Variants in DMBX1 observed in about 807,000 individuals in gnomAD.
The protein encoded by DMBX1 is diencephalon/mesencephalon homeobox 1.
A neutral mutation model predicts 30.4 loss-of-function variants in DMBX1; 7 were observed. The observed-to-expected ratio is 0.23, with a 90% confidence interval of 0.13 to 0.43. The LOEUF (loss-of-function observed/expected upper bound fraction) is 0.43. Among genes scored for constraint, DMBX1 ranks in the 20% least tolerant of loss-of-function variants. The pLI, the probability that DMBX1 is intolerant of heterozygous loss-of-function variation, is 1.00. For missense variants in DMBX1, 460 were observed against 508.5 expected (o/e 0.90, Z 0.92); for synonymous variants, 222 against 214.2 (o/e 1.04, Z -0.32).
chr1:46,510,910 CG>C lies in DMBX1; in HGVS notation c.334-23del, dbSNP rs1253768907. On this transcript the variant is annotated intron_variant, in intron 4 of 5. Transcript: ENST00000360032. The surrounding 1 kb of genome is among the most constrained non-coding windows in gnomAD (Gnocchi z 4.1). ...AACCCCACTTCTTTCTTGCCCACCTCGGACTGCTCCTTTCCCGTCCCCAGGT... is the reference window on the plus strand; with the variant it reads ...AACCCCACTTCTTTCTTGCCCACCTCGACTGCTCCTTTCCCGTCCCCAGGT... 10 of 1,565,454 alleles carry C rather than the reference CG, an allele frequency of 6.4e-6. No homozygotes were observed. The Admixed American group carries it at 1.6e-4, about 26-fold the overall frequency.
chr1:46,512,160 A>G lies in DMBX1; in HGVS notation c.800A>G (p.Gln267Arg), dbSNP rs755954815. The G allele has an allele frequency of 1.9e-6, 3 of 1,614,010 alleles. No homozygotes were observed. In the South Asian group the frequency reaches 3.3e-5, roughly 18 times the overall value. ...SLFRLQEQFR[Q>R]HMAATNNLVH... ...TTCCGTCTGCAGGAGCAATTCCGCC[A>G]GCACATGGCGGCCACCAACAACCTG... Residue 267 changes from glutamine (Q) to arginine (R), a missense_variant, in exon 6 of 6, where the codon CAG becomes CGG. Gln to Arg is a conservative substitution (Grantham distance 43, BLOSUM62 1). Transcript: ENST00000360032. The surrounding 1 kb of genome is among the most constrained non-coding windows in gnomAD (Gnocchi z 4.8).
rs74410820 is a variant in DMBX1, at chr1:46,512,961, C to A, written c.*467C>A. The stretch of plus-strand genomic sequence containing the variant: ...CTGCCACCCCTCCCTGCAGCCTCCG[C>A]GGCTCACTCCAGCCATCCCTTCTGT... On this transcript the variant is annotated 3_prime_UTR_variant, in exon 6 of 6. Coordinates refer to ENST00000360032, the MANE Select transcript of DMBX1 (RefSeq NM_172225.2). This position sits in a 1 kb window ranked among gnomAD's most constrained non-coding sequence, Gnocchi z 4.8. The A allele has an allele frequency of 4.7e-3, 749 of 159,660 alleles. 4 individuals are homozygous for A. Among genetic ancestry groups the A allele is most frequent in the African/African-American group, 0.017 (707 of 41,652 alleles). The allele number at this position is 159,660 out of a possible 1,614,324, so 9.9% of individuals were successfully genotyped here. A position where few individuals can be genotyped will look rare whatever the true frequency, so the allele number is the denominator to read the frequency against.
Position 46,493,411 on chromosome 1 carries a change from C to A in DMBX1, c.-13+2628C>A, listed in dbSNP as rs2148480567. 6.6e-6 allele frequency among the ~76,000 whole-genome samples: 1 copy of A among 152,354 alleles called. No individual in the cohort carries two copies. The highest frequency in any genetic ancestry group is 2.4e-5 in the African/African-American group (1 of 41,594). On this transcript the variant is annotated intron_variant, in intron 2 of 5. Coordinates refer to ENST00000360032, the MANE Select transcript of DMBX1 (RefSeq NM_172225.2). The surrounding 1 kb of genome is among the most constrained non-coding windows in gnomAD (Gnocchi z 4.1). ...GCCCTCCCGCCGTTCAGTGGCCTCT[C>A]TTTCTATTTAGTCACCTGTCCGTTC...
intron 2 of DMBX1, among the ~76,000 whole-genome samples, chr1:46,495,574 A>G (rs987723745): frequency 2.6e-5 from 4 of 152,208 alleles, no homozygotes; most frequent in African/African-American, 7.2e-5. Context: ...ATTTATTATA[A>G]AACTCTGGCA....
rs574863112 is a variant in DMBX1 at position 46,501,923 on chromosome 1, AGTATATAACAGATATTTTT to A, written c.-12-5075_-12-5057del. 4.0e-3 allele frequency among the ~76,000 whole-genome samples: 615 copies of A among 152,350 alleles called. 2 individuals carry two copies. Among genetic ancestry groups the A allele is most frequent in the Non-Finnish European group, 7.0e-3 (475 of 68,036 alleles). The stretch of plus-strand genomic sequence containing the variant: ...TTATGAATTCCTCTATGTCATATAC[AGTATATAACAGATATTTTT>A]CCAAATTTATTGTTTGCCTTTTAGC... On this transcript the variant is annotated intron_variant, in intron 2 of 5. Transcript: ENST00000360032.
chr1:46,490,177 T>C (rs1289560456), intron 1 of DMBX1, among the ~76,000 whole-genome samples: 3 of 151,644 alleles, frequency 2.0e-5, no homozygotes, highest in African/African-American at 7.3e-5. Flanking sequence ...AGTGAGCAAC[T>C]TAGGGAGACA....
At chr1:46,501,598 G>C (rs990769743) in intron 2 of DMBX1, among the ~76,000 whole-genome samples, 1 of 152,094 alleles carries the variant, frequency 6.6e-6, no homozygotes, top group Non-Finnish European at 1.5e-5. Flanking sequence ...ATAAGGCTGA[G>C]CTTTTTGTCA....
At position 46,493,101 on chromosome 1, in the gene DMBX1, C is replaced by T. The variant is rs1046249751; in HGVS notation, c.-13+2318C>T. The stretch of plus-strand genomic sequence containing the variant: ...ACCCCTGCCTTCCCATTTCGCCCCC[C>T]ACCCCACCCCTTTCTCACAGTCCCG... On this transcript the variant is annotated intron_variant, in intron 2 of 5. Coordinates refer to ENST00000360032, the MANE Select transcript of DMBX1 (RefSeq NM_172225.2). The surrounding 1 kb of genome is among the most constrained non-coding windows in gnomAD (Gnocchi z 4.1). Among the ~76,000 whole-genome samples, 2 of 152,146 alleles carry T rather than the reference C, an allele frequency of 1.3e-5. No homozygotes were observed. Among genetic ancestry groups the T allele is most frequent in the African/African-American group, 4.8e-5 (2 of 41,418 alleles).
chr1:46,501,272 C>CTTTCT (rs1557786162), intron 2 of DMBX1, among the ~76,000 whole-genome samples: 5 of 83,892 alleles, frequency 6.0e-5, no homozygotes, highest in Non-Finnish European at 9.1e-5. Context: ...CTTTCTTTCT[C>CTTTCT]TTCTTTCTTT....
chr1:46,511,137 C>T lies in DMBX1; in HGVS notation c.536C>T (p.Ser179Phe). Residue 179 changes from serine to phenylalanine, a missense_variant, in exon 5 of 6, where the codon TCT becomes TTT. This residue lies in a region of DMBX1 where 334 missense variants were observed against 345.1 expected (regional missense o/e 0.97). Transcript: ENST00000360032. Reference protein sequence around the residue: ...DPPAELHLSLSEQSASESAPE... With the variant: ...DPPAELHLSLFEQSASESAPE... ...CCTGCTGAGCTTCACCTGAGTCTGT[C>T]TGAGCAGTCAGCCAGTGAGTCAGCC... 6.2e-7 allele frequency: 1 copy of T among 1,614,004 alleles called. No homozygotes were observed. Among genetic ancestry groups the T allele is most frequent in the East Asian group, 2.2e-5 (1 of 44,882 alleles).
At position 46,497,818 on chromosome 1, in the gene DMBX1, T is replaced by C. The variant is rs192532475; in HGVS notation, c.-13+7035T>C. On this transcript the variant is annotated intron_variant, in intron 2 of 5. Coordinates refer to ENST00000360032, the MANE Select transcript of DMBX1 (RefSeq NM_172225.2). ...GCGCCTGTGGCGGGAGATCCGCCGA[T>C]CTGCTTGCTTAATGAAATATAAAGA... 3.5e-3 allele frequency among the ~76,000 whole-genome samples: 539 copies of C among 152,378 alleles called. 2 individuals are homozygous for C. Among genetic ancestry groups the C allele is most frequent in the Admixed American group, 5.6e-3 (86 of 15,306 alleles).
At chr1:46,496,165 C>T (rs915754289) in intron 2 of DMBX1, among the ~76,000 whole-genome samples, 12 of 152,108 alleles carry the variant, frequency 7.9e-5, no homozygotes, top group African/African-American at 2.9e-4. Context: ...TTCAGCGTAA[C>T]CCAGGAATGG....
chr1:46,503,692 A>AAG (rs1461808111), intron 2 of DMBX1, among the ~76,000 whole-genome samples: 1 of 152,204 alleles, frequency 6.6e-6, no homozygotes, highest in Admixed American at 6.5e-5. Context: ...GTTTGTGTGT[A>AAG]AGCTGTGGTT....
At chr1:46,495,487 T>C (rs528035058) in intron 2 of DMBX1, among the ~76,000 whole-genome samples, 6 of 152,122 alleles carry the variant, frequency 3.9e-5, no homozygotes, top group Non-Finnish European at 8.8e-5. Context: ...ATCAGTCAAA[T>C]GGGGATTATG....
At chr1:46,506,323 G>A (rs574331163) in intron 2 of DMBX1, among the ~76,000 whole-genome samples, 53 of 152,326 alleles carry the variant, frequency 3.5e-4, no homozygotes, top group Non-Finnish European at 6.5e-4. Context: ...CTCCCAAAGT[G>A]CTGGGATTAC....
At chr1:46,502,102 T>C (rs560888418) in intron 2 of DMBX1, among the ~76,000 whole-genome samples, 1 of 152,318 alleles carries the variant, frequency 6.6e-6, no homozygotes, top group East Asian at 1.9e-4. Context: ...GTGAATGTTG[T>C]TGGAGGAAGT....
rs1057443618 is a variant in DMBX1 at position 46,514,308 on chromosome 1, G to A, written c.*1814G>A. 2.0e-5 allele frequency: 3 copies of A among 152,176 alleles called. No individual in the cohort carries two copies. The highest frequency in any genetic ancestry group is 4.4e-5 in the Non-Finnish European group (3 of 68,042). The allele number at this position is 152,176 out of a possible 1,614,324, so 9.4% of individuals were successfully genotyped here. ...CCTGTCTGGGTTAGATGGCCTGTAAGGTCCTAGCCAGCTCTACATTCTGCA... is the reference window on the plus strand; with the variant it reads ...CCTGTCTGGGTTAGATGGCCTGTAAAGTCCTAGCCAGCTCTACATTCTGCA... On this transcript the variant is annotated 3_prime_UTR_variant, in exon 6 of 6. Transcript: ENST00000360032.
intron 2 of DMBX1, among the ~76,000 whole-genome samples, chr1:46,499,518 A>C (rs967488350): frequency 1.3e-5 from 2 of 152,230 alleles, no homozygotes; most frequent in African/African-American, 4.8e-5. Flanking sequence ...GCCTTTAGCA[A>C]ATTATCCAAT....
In DMBX1 at chr1:46,510,495, T is replaced by C; in HGVS notation, c.174T>C (p.Arg58=). 4 of 1,613,996 alleles carry C rather than the reference T, an allele frequency of 2.5e-6. No homozygotes were observed. The highest frequency in any genetic ancestry group is 3.4e-6 in the Non-Finnish European group (4 of 1,179,990). The change falls in exon 4 of 6, where the codon CGT becomes CGC. Residue 58 remains arginine (R), a synonymous_variant. Coordinates refer to ENST00000360032, the MANE Select transcript of DMBX1 (RefSeq NM_172225.2). The surrounding 1 kb of genome is among the most constrained non-coding windows in gnomAD (Gnocchi z 4.1). ...ERLADIILEA[R]YGSQHRKQRR... ...TTCAAGACATCATCTTGGAGGCCCGTTATGGTTCCCAGCACCGCAAACAAC... is the reference window on the plus strand; with the variant it reads ...TTCAAGACATCATCTTGGAGGCCCGCTATGGTTCCCAGCACCGCAAACAAC...
Sources: allele counts gnomAD v4.1 joint callset (sites outside exome capture counted in the v4.1 genomes callset), GRCh38; gene constraint gnomAD v4.1.1; regional missense constraint gnomAD v4.1.1; non-coding constraint Gnocchi (gnomAD v3.1); transcripts MANE v1.5; gene names NCBI Gene and HGNC (gene_info 2026-07-23, HGNC 2026-07-21).